WDFY4: variants seen among roughly 807,000 people sequenced by gnomAD.
The protein encoded by WDFY4 is WDFY family member 4.
A neutral mutation model predicts 351.9 loss-of-function variants in WDFY4; 169 were observed. That is an observed-to-expected ratio of 0.48 (90% CI 0.42 to 0.55). The LOEUF (loss-of-function observed/expected upper bound fraction) is 0.55. Ranked by LOEUF, WDFY4 falls within the 20% of genes least tolerant of loss-of-function variation. The pLI, the probability that WDFY4 is intolerant of heterozygous loss-of-function variation, is 0.00. For synonymous variants in WDFY4, 1,622 were observed against 1,574.6 expected, an observed-to-expected ratio of 1.03 and a Z score of -0.71; for missense variants, 3,803 against 3,935.6, an observed-to-expected ratio of 0.97 and a Z score of 0.90.
chr10:48,942,417 C>G (rs1005523486), intron 48 of WDFY4, among the ~76,000 whole-genome samples: 1 of 151,842 alleles, frequency 6.6e-6, no homozygotes, highest in Non-Finnish European at 1.5e-5. Context: ...TGTGCATGTA[C>G]CTGTACACTA....
At chr10:48,831,816 G>T (rs945053511) in intron 38 of WDFY4, among the ~76,000 whole-genome samples, 3 of 152,188 alleles carry the variant, frequency 2.0e-5, no homozygotes, top group African/African-American at 7.2e-5. Context: ...AGGGAGAAAT[G>T]CTGTGTCCTC....
chr10:48,701,001 T>C (rs756331234), intron 1 of WDFY4, among the ~76,000 whole-genome samples: 4 of 152,254 alleles, frequency 2.6e-5, no homozygotes, highest in Non-Finnish European at 5.9e-5. Context: ...CACGTTGTTG[T>C]ACAACCATCA....
chr10:48,814,042 C>G lies in WDFY4; in HGVS notation c.5300C>G (p.Ala1767Gly), dbSNP rs750988967. The change falls in exon 31 of 62, where the codon GCC (alanine) becomes GGC (glycine). Residue 1767 changes from alanine to glycine, a missense_variant. This residue lies in a region of WDFY4 where 3,054 missense variants were observed against 3,148.6 expected (regional missense o/e 0.97). Coordinates refer to ENST00000325239, the MANE Select transcript of WDFY4 (RefSeq NM_001394531.1). ...VLQAGLCTEG[A>G]LLLLEMLKAT... Reference sequence around the variant, plus strand: ...CAGGCTGGGCTGTGCACAGAAGGTGCCTTGCTCCTCCTGGAAATGCTGAAG... The same window carrying G: ...CAGGCTGGGCTGTGCACAGAAGGTGGCTTGCTCCTCCTGGAAATGCTGAAG... The G allele has an allele frequency of 6.5e-7, 1 of 1,549,862 alleles. No individual in the cohort carries two copies. Among genetic ancestry groups the G allele is most frequent in the Non-Finnish European group, 8.7e-7 (1 of 1,145,818 alleles).
chr10:48,731,836 T>C (rs2064470665), intron 9 of WDFY4, among the ~76,000 whole-genome samples: 1 of 152,154 alleles, frequency 6.6e-6, no homozygotes, highest in African/African-American at 2.4e-5. Flanking sequence ...TGTGGGTGTA[T>C]AGACAGGGAG....
chr10:48,913,264 T>A, intron 47 of WDFY4: 3 of 861,664 alleles, frequency 3.5e-6, no homozygotes, highest in Non-Finnish European at 1.8e-6. Flanking sequence ...AGGAAAGGAG[T>A]TTTATGGGCT....
intron 23 of WDFY4, among the ~76,000 whole-genome samples, chr10:48,792,366 C>T (rs2066713309): frequency 6.6e-6 from 1 of 152,210 alleles, no homozygotes. Flanking sequence ...AATGCTCAGT[C>T]TACACATCTC....
At chr10:48,905,116 G>A (rs570665637) in intron 47 of WDFY4, among the ~76,000 whole-genome samples, 1 of 152,316 alleles carries the variant, frequency 6.6e-6, no homozygotes, top group East Asian at 1.9e-4. Flanking sequence ...GTCACTCAGT[G>A]ACAGCATAGC....
At chr10:48,727,906 G>A (rs974471749) in intron 7 of WDFY4, among the ~76,000 whole-genome samples, 1 of 152,172 alleles carries the variant, frequency 6.6e-6, no homozygotes, top group African/African-American at 2.4e-5. Context: ...ATTTTCCCCG[G>A]TCAGAACCCA....
intron 47 of WDFY4, among the ~76,000 whole-genome samples, chr10:48,926,023 T>A (rs1446017218): frequency 1.3e-5 from 2 of 152,144 alleles, no homozygotes; most frequent in African/African-American, 4.8e-5. Flanking sequence ...CAAACCTCAA[T>A]GTGTCTGATA....
chr10:48,865,547 T>C (rs1377792630), intron 39 of WDFY4, among the ~76,000 whole-genome samples: 1 of 152,212 alleles, frequency 6.6e-6, no homozygotes, highest in East Asian at 1.9e-4. Flanking sequence ...TTTGTCTGTT[T>C]TCTGTGTCAG....
At chr10:48,704,670 T>C (rs2063574495) in intron 1 of WDFY4, among the ~76,000 whole-genome samples, 1 of 152,170 alleles carries the variant, frequency 6.6e-6, no homozygotes, top group South Asian at 2.1e-4. Flanking sequence ...CCCAGCTGCC[T>C]GTGTGCACTG....
intron 47 of WDFY4, among the ~76,000 whole-genome samples, chr10:48,902,576 C>T (rs533224701): frequency 1.1e-4 from 17 of 151,564 alleles, no homozygotes; most frequent in Non-Finnish European, 1.5e-4. Flanking sequence ...TTATTAATAG[C>T]TTGTGATACA....
intron 2 of WDFY4, among the ~76,000 whole-genome samples, chr10:48,719,499 G>T (rs1408182381): frequency 6.6e-6 from 1 of 152,030 alleles, no homozygotes; most frequent in Non-Finnish European, 1.5e-5. Flanking sequence ...ATGTACTAAA[G>T]TGCTAGAAAA....
chr10:48,858,310 A>C (rs2069211698), intron 39 of WDFY4, among the ~76,000 whole-genome samples: 1 of 152,176 alleles, frequency 6.6e-6, no homozygotes, highest in Non-Finnish European at 1.5e-5. Flanking sequence ...GCTTATCCCT[A>C]GATATGAAAG....
At chr10:48,910,667 G>T (rs766804550) in intron 47 of WDFY4, among the ~76,000 whole-genome samples, 1 of 152,164 alleles carries the variant, frequency 6.6e-6, no homozygotes, top group Non-Finnish European at 1.5e-5. Flanking sequence ...CACTGCCTGT[G>T]TATGTCTCAA....
At chr10:48,841,414 A>G (rs1274286318) in intron 39 of WDFY4, among the ~76,000 whole-genome samples, 1 of 151,226 alleles carries the variant, frequency 6.6e-6, no homozygotes, top group Non-Finnish European at 1.5e-5. Flanking sequence ...TTTTTTCGGA[A>G]AAGTTTCTGT....
chr10:48,877,009 A>C (rs780892141), intron 42 of WDFY4, 24 bp from the exon 43 acceptor site: 6 of 1,452,410 alleles, frequency 4.1e-6, no homozygotes, highest in Non-Finnish European at 4.5e-6. Flanking sequence ...TGTCAACACC[A>C]CGTGTCCCTT....
rs112235030 is a variant in WDFY4 at position 48,751,522 on chromosome 10, G to T, written c.2459+7974G>T. 8.7e-4 allele frequency among the ~76,000 whole-genome samples: 132 copies of T among 152,260 alleles called. 1 individual carries two copies. The highest frequency in any genetic ancestry group is 3.0e-3 in the African/African-American group (125 of 41,558). ...TGAGAACTATTTAGGACGTAACTTT[G>T]CCTGGCCTTGGTAACCAATTTGATG... On this transcript the variant is annotated intron_variant, in intron 12 of 61. Coordinates refer to ENST00000325239, the MANE Select transcript of WDFY4 (RefSeq NM_001394531.1).
At chr10:48,730,767 T>C (rs920057295) in intron 8 of WDFY4, among the ~76,000 whole-genome samples, 4 of 152,232 alleles carry the variant, frequency 2.6e-5, no homozygotes, top group Non-Finnish European at 5.9e-5. Context: ...ACTCAATATA[T>C]CCCAAATATT....
Sources: gnomAD v4.1 joint callset for allele counts (sites outside exome capture counted in the v4.1 genomes callset) on GRCh38, gnomAD v4.1.1 for gene constraint, gnomAD v4.1.1 regional missense constraint, MANE v1.5 for transcripts, NCBI Gene and HGNC (gene_info 2026-07-23, HGNC 2026-07-21) for gene names.